Variants in EYS observed in about 807,000 individuals in gnomAD.
The protein encoded by EYS is EGF-like photoreceptor maintenance factor, also known as protein eyes shut homolog.
A neutral mutation model predicts 282.1 loss-of-function variants in EYS; 250 were observed. The ratio of observed to expected loss-of-function variants is 0.89; its 90% CI spans 0.80 to 0.98. The LOEUF (loss-of-function observed/expected upper bound fraction) is 0.98, where lower values mean the gene tolerates loss of function less well. EYS is among the 50% of genes least tolerant of loss of function. EYS has a pLI of 0.00. For missense variants in EYS, 4,016 were observed against 3,709.0 expected, an observed-to-expected ratio of 1.08 and a Z score of -2.15; for synonymous variants, 1,355 against 1,282.9, an observed-to-expected ratio of 1.06 and a Z score of -1.20.
chr6:64,110,044 TC>T (rs1773154425), intron 31 of EYS, among the ~76,000 whole-genome samples: 1 of 152,110 alleles, frequency 6.6e-6, no homozygotes, highest in South Asian at 2.1e-4. Context: ...GCTGGTAGGC[TC>T]CCTGTCTTTT....
intron 31 of EYS, among the ~76,000 whole-genome samples, chr6:64,167,641 T>TACAGACAC (rs146724916): frequency 0.06 from 9,118 of 152,136 alleles, 895 homozygotes; most frequent in African/African-American, 0.21. Flanking sequence ...CATACGTACA[T>TACAGACAC]ACAGACACAC....
intron 22 of EYS, among the ~76,000 whole-genome samples, chr6:64,797,578 C>A (rs1774396890): frequency 6.6e-6 from 1 of 151,786 alleles, no homozygotes; most frequent in Admixed American, 6.6e-5. Flanking sequence ...TGACCAATTG[C>A]CAAATAAAGC....
chr6:65,073,708 T>G (rs115485721), intron 12 of EYS, among the ~76,000 whole-genome samples: 3 of 151,844 alleles, frequency 2.0e-5, no homozygotes, highest in Admixed American at 6.6e-5. Flanking sequence ...CTTATTTTAT[T>G]GAGACTAGAC....
At chr6:64,584,137 AT>A (rs1361012795) in intron 26 of EYS, among the ~76,000 whole-genome samples, 1 of 152,074 alleles carries the variant, frequency 6.6e-6, no homozygotes. Flanking sequence ...AATAAAACAC[AT>A]ATTTGCAAAA....
chr6:64,712,905 G>T (rs1338295489), intron 22 of EYS, among the ~76,000 whole-genome samples: 1 of 152,160 alleles, frequency 6.6e-6, no homozygotes, highest in Non-Finnish European at 1.5e-5. Context: ...AGCACAGTTT[G>T]CATCCAAAGA....
chr6:65,014,159 C>A (rs539779134), intron 13 of EYS, among the ~76,000 whole-genome samples: 4 of 152,170 alleles, frequency 2.6e-5, no homozygotes, highest in Admixed American at 2.0e-4. Context: ...CTCTAGACAG[C>A]CAGTAAGAAA....
At chr6:63,955,247 C>T (rs912920397) in intron 35 of EYS, among the ~76,000 whole-genome samples, 1 of 152,120 alleles carries the variant, frequency 6.6e-6, no homozygotes, top group Admixed American at 6.6e-5. Context: ...TCTAATCATA[C>T]TCTTATTCAC....
At chr6:64,930,503 A>T (rs1186000855) in intron 15 of EYS, among the ~76,000 whole-genome samples, 1 of 151,324 alleles carries the variant, frequency 6.6e-6, no homozygotes, top group Non-Finnish European at 1.5e-5. Context: ...ATCTCTGGTA[A>T]CACATTAAAA....
chr6:64,663,259 G>A (rs143890307), intron 22 of EYS, among the ~76,000 whole-genome samples: 46 of 152,160 alleles, frequency 3.0e-4, no homozygotes, highest in Non-Finnish European at 6.3e-4. Context: ...ATATACCATT[G>A]GTAATAAGGG....
At chr6:64,360,779 T>A (rs1166188593) in intron 29 of EYS, among the ~76,000 whole-genome samples, 1 of 151,752 alleles carries the variant, frequency 6.6e-6, no homozygotes, top group Non-Finnish European at 1.5e-5. Flanking sequence ...ATATTCCTGT[T>A]ACTCATAAAA....
At chr6:64,028,829 A>G (rs1392587999) in intron 33 of EYS, among the ~76,000 whole-genome samples, 1 of 152,156 alleles carries the variant, frequency 6.6e-6, no homozygotes, top group Non-Finnish European at 1.5e-5. Context: ...TGAACTTTCT[A>G]GCTAATCAAG....
chr6:64,050,690 GCT>G (rs1032174149), intron 33 of EYS, among the ~76,000 whole-genome samples: 13 of 152,234 alleles, frequency 8.5e-5, no homozygotes, highest in African/African-American at 2.9e-4. Flanking sequence ...TCAGCATGCT[GCT>G]CTCTCAGCTA....
chr6:65,046,336 T>C (rs973367072), intron 13 of EYS, among the ~76,000 whole-genome samples: 1 of 151,914 alleles, frequency 6.6e-6, no homozygotes, highest in Non-Finnish European at 1.5e-5. Context: ...GGTACAGTGA[T>C]AAATTTATTA....
chr6:64,033,861 TA>T (rs1334636336), intron 33 of EYS, among the ~76,000 whole-genome samples: 6 of 151,426 alleles, frequency 4.0e-5, no homozygotes, highest in African/African-American at 1.5e-4. Context: ...TATATATATA[TA>T]AAATTGGGAG....
chr6:64,203,126 C>T (rs1451414913), intron 31 of EYS, among the ~76,000 whole-genome samples: 2 of 152,128 alleles, frequency 1.3e-5, no homozygotes, highest in Non-Finnish European at 2.9e-5. Context: ...CTGATAATTC[C>T]AGGTCATTTG....
intron 12 of EYS, among the ~76,000 whole-genome samples, chr6:65,252,734 A>G (rs1767359800): frequency 6.6e-6 from 1 of 152,000 alleles, no homozygotes; most frequent in Non-Finnish European, 1.5e-5. Context: ...GTCAATGGAA[A>G]AATACAAAGT....
intron 35 of EYS, among the ~76,000 whole-genome samples, chr6:63,956,330 C>A (rs1765819601): frequency 6.6e-6 from 1 of 152,146 alleles, no homozygotes; most frequent in South Asian, 2.1e-4. Context: ...GTGACCACCG[C>A]CCCTGCCTGC....
intron 34 of EYS, among the ~76,000 whole-genome samples, chr6:63,996,940 C>T (rs1247938287): frequency 6.6e-6 from 1 of 152,076 alleles, no homozygotes; most frequent in Non-Finnish European, 1.5e-5. Flanking sequence ...TAGAATATCA[C>T]ATTTGAGATT....
chr6:63,721,999 T>C (rs1768416783), intron 42 of EYS, among the ~76,000 whole-genome samples: 1 of 152,168 alleles, frequency 6.6e-6, no homozygotes, highest in South Asian at 2.1e-4. Flanking sequence ...AGCAATTGGC[T>C]ACATAAATTT....
Sources: gnomAD v4.1 joint callset for allele counts (sites outside exome capture counted in the v4.1 genomes callset) on GRCh38, gnomAD v4.1.1 for gene constraint, MANE v1.5 for transcripts, NCBI Gene and HGNC (gene_info 2026-07-23, HGNC 2026-07-21) for gene names.